The following FXYD5 variants were observed in gnomAD, a reference collection of about 807,000 sequenced individuals.
The protein encoded by FXYD5 is FXYD domain containing ion transport regulator 5.
A neutral mutation model predicts 25.7 loss-of-function variants in FXYD5; 21 were observed. The ratio of observed to expected loss-of-function variants is 0.82; its 90% CI spans 0.58 to 1.18. FXYD5 has a LOEUF of 1.18. FXYD5 is among the 50% of genes most tolerant of loss of function. The probability of loss-of-function intolerance (pLI) is 0.00; values close to 1 mark genes in which losing one functional copy is unlikely to be tolerated. For missense variants in FXYD5, 229 were observed against 227.7 expected, an observed-to-expected ratio of 1.01 and a Z score of -0.04; for synonymous variants, 101 against 90.7, an observed-to-expected ratio of 1.11 and a Z score of -0.64.
chr19:35,155,455 G>A, intron 1 of FXYD5, 96 bp from the exon 2 acceptor site: 1 of 1,009,578 alleles, frequency 9.9e-7, no homozygotes, highest in Non-Finnish European at 1.6e-6. Context: ...AGAGGTTTTT[G>A]CTCAGGGCAG....
chr19:35,168,627 C>G (rs2065471378), intron 8 of FXYD5, among the ~76,000 whole-genome samples: 1 of 152,160 alleles, frequency 6.6e-6, no homozygotes, highest in Admixed American at 6.5e-5. Context: ...AGTTCCCCCT[C>G]CCTCACTCTG....
chr19:35,168,703 G>T (rs920338735), intron 8 of FXYD5, among the ~76,000 whole-genome samples: 3 of 152,128 alleles, frequency 2.0e-5, no homozygotes, highest in Admixed American at 6.5e-5. Flanking sequence ...TTGCGCTGCT[G>T]TTCCCTCTGC....
chr19:35,164,148 T>A lies in FXYD5; in HGVS notation c.293-8T>A. 6.2e-7 allele frequency: 1 copy of A among 1,613,854 alleles called. No individual in the cohort carries two copies. The highest frequency in any genetic ancestry group is 8.5e-7 in the Non-Finnish European group (1 of 1,179,960). ...TCCTGCCCTCCACTGATCTGGCCACTCTCTCAGCTCATCCCACTGATGACA... is the reference window on the plus strand; with the variant it reads ...TCCTGCCCTCCACTGATCTGGCCACACTCTCAGCTCATCCCACTGATGACA... On this transcript the variant is annotated splice_polypyrimidine_tract_variant and splice_region_variant and intron_variant, in intron 5 of 8. Coordinates refer to ENST00000392219, the MANE Select transcript of FXYD5 (RefSeq NM_014164.6).
intron 8 of FXYD5, among the ~76,000 whole-genome samples, chr19:35,167,961 G>A (rs961109702): frequency 6.6e-6 from 1 of 152,078 alleles, no homozygotes; most frequent in Admixed American, 6.6e-5. Context: ...GCTCACTCCT[G>A]TAATCCCAGT....
At chr19:35,160,611 G>A in intron 4 of FXYD5, 98 bp from the exon 5 acceptor site, 1 of 798,090 alleles carries the variant, frequency 1.3e-6, no homozygotes, top group East Asian at 2.5e-5. Context: ...CTCCCAAAGT[G>A]CTGGGAATAC....
chr19:35,159,633 C>T, intron 4 of FXYD5: 1 of 1,549,776 alleles, frequency 6.5e-7, no homozygotes, highest in Non-Finnish European at 8.7e-7. Flanking sequence ...CCTCCTTGAG[C>T]AAACGCACTT....
chr19:35,155,729 G>C (rs943810461), intron 2 of FXYD5, 118 bp downstream of exon 2: 2 of 767,898 alleles, frequency 2.6e-6, no homozygotes, highest in African/African-American at 3.4e-5. Context: ...TCACCCTCCC[G>C]CTGAGCCGGC....
intron 5 of FXYD5, among the ~76,000 whole-genome samples, chr19:35,161,716 G>A (rs1182389184): frequency 6.6e-6 from 1 of 152,186 alleles, no homozygotes; most frequent in Non-Finnish European, 1.5e-5. Flanking sequence ...TGGGAAAGGA[G>A]ACTGAGCTGA....
At chr19:35,167,569 A>T (rs920133178) in intron 8 of FXYD5, among the ~76,000 whole-genome samples, 2 of 152,238 alleles carry the variant, frequency 1.3e-5, no homozygotes, top group Admixed American at 1.3e-4. Flanking sequence ...CTAATTTTTT[A>T]AAAAGGTTTT....
rs1298686824 is a variant in FXYD5, at chr19:35,169,449, G to A, written c.488-117G>A. The A allele has an allele frequency of 1.3e-5, 10 of 751,082 alleles. No individual in the cohort carries two copies. The Admixed American group carries it at 1.8e-4, about 14-fold the overall frequency. 46.5% of individuals were successfully genotyped at this position (751,082 alleles called of 1,614,324 possible). ...TGTTTCTCCATCATTTGTTTATGGAGTTGCCTTTGAGTTTCCCGAGGGGCA... is the reference window on the plus strand; with the variant it reads ...TGTTTCTCCATCATTTGTTTATGGAATTGCCTTTGAGTTTCCCGAGGGGCA... On this transcript the variant is annotated intron_variant, in intron 8 of 8. Coordinates refer to ENST00000392219, the MANE Select transcript of FXYD5 (RefSeq NM_014164.6).
At chr19:35,164,017 AG>A in intron 5 of FXYD5, 138 bp from the exon 6 acceptor site, 1 of 1,529,692 alleles carries the variant, frequency 6.5e-7, no homozygotes, top group South Asian at 1.3e-5. Context: ...GGTGTGGAGT[AG>A]GGGGGATGCC....
intron 5 of FXYD5, 113 bp from the exon 6 acceptor site, chr19:35,164,043 A>C (rs550482252): frequency 6.4e-7 from 1 of 1,568,596 alleles, no homozygotes; most frequent in African/African-American, 1.4e-5. Flanking sequence ...CCTGCACACC[A>C]GCTGTGTAGA....
At chr19:35,166,525 A>G in intron 8 of FXYD5, 200 bp downstream of exon 8, 2 of 491,042 alleles carry the variant, frequency 4.1e-6, no homozygotes. Flanking sequence ...GTTTGGAAAC[A>G]TAGGCTGGGC....
At chr19:35,161,742 C>T (rs1459327180) in intron 5 of FXYD5, among the ~76,000 whole-genome samples, 2 of 152,178 alleles carry the variant, frequency 1.3e-5, no homozygotes, top group African/African-American at 2.4e-5. Flanking sequence ...GGCAACAGAT[C>T]GCCTCTAATG....
Position 35,155,567 on chromosome 19 carries a change from G to T in FXYD5, c.17G>T (p.Arg6Leu). Residue 6 changes from arginine to leucine, a missense_variant, in exon 2 of 9, where the codon CGC becomes CTC. Arg to Leu is a moderately radical substitution (Grantham distance 102, BLOSUM62 -2). Coordinates refer to ENST00000392219, the MANE Select transcript of FXYD5 (RefSeq NM_014164.6). The part of the protein sequence containing the change: MSPSG[R>L]LCLLTIVGLI... ...GTCCCACAGATGTCGCCCTCTGGTC[G>T]CCTGTGTCTTCTCACCATCGTTGGC... The T allele has an allele frequency of 6.2e-7, 1 of 1,610,616 alleles. No individual in the cohort carries two copies.
chr19:35,169,487 C>T (rs1381715325), intron 8 of FXYD5, 79 bp from the exon 9 acceptor site: 4 of 1,078,234 alleles, frequency 3.7e-6, no homozygotes, highest in African/African-American at 3.1e-5. Context: ...GTTGATCAAT[C>T]TGGTTCCCCA....
At chr19:35,164,614 C>T (rs1432745281) in intron 6 of FXYD5, among the ~76,000 whole-genome samples, 3 of 152,108 alleles carry the variant, frequency 2.0e-5, no homozygotes, top group Admixed American at 6.5e-5. Flanking sequence ...TTTCTAGGGG[C>T]AATTTGATTC....
intron 8 of FXYD5, among the ~76,000 whole-genome samples, 166 bp from the exon 9 acceptor site, chr19:35,169,399 GC>G (rs981120217): frequency 5.9e-5 from 9 of 151,668 alleles, no homozygotes; most frequent in Non-Finnish European, 1.0e-4. Context: ...CTCTCGCAGG[GC>G]CCCAGCACTG....
intron 5 of FXYD5, among the ~76,000 whole-genome samples, chr19:35,161,221 A>C (rs9304867): frequency 7.8e-5 from 3 of 38,240 alleles, no homozygotes; most frequent in African/African-American, 3.4e-4. Flanking sequence ...ATTCACCTTA[A>C]ACACACACAC....
Sources: gnomAD v4.1 joint callset for allele counts (sites outside exome capture counted in the v4.1 genomes callset) on GRCh38, gnomAD v4.1.1 for gene constraint, MANE v1.5 for transcripts, NCBI Gene and HGNC (gene_info 2026-07-23, HGNC 2026-07-21) for gene names.